The following TREH variants were observed in gnomAD, a reference collection of about 807,000 sequenced individuals.
The protein encoded by TREH is alpha,alpha-trehalose glucohydrolase.
TREH carries 69 observed loss-of-function variants against 80.5 expected under a neutral mutation model. That is an observed-to-expected ratio of 0.86 (90% CI 0.71 to 1.05). The LOEUF (loss-of-function observed/expected upper bound fraction) is 1.05, where lower values mean the gene tolerates loss of function less well. Ranked by LOEUF, TREH falls within the 50% of genes least tolerant of loss-of-function variation. TREH has a pLI of 0.00. For missense variants in TREH, 716 were observed against 718.8 expected, an observed-to-expected ratio of 1.00 and a Z score of 0.04; for synonymous variants, 309 against 293.5, an observed-to-expected ratio of 1.05 and a Z score of -0.54.
In TREH at chr11:118,658,981, A is replaced by G. The variant is rs1555144176; in HGVS notation, c.1469T>C (p.Val490Ala). The stretch of plus-strand genomic sequence containing the variant: ...CCAATTCTGAGCCAGCTGGAAAGCC[A>G]CTTCCTGGGCCCGACGTAAAGGTGC... ...AKAPLRRAQE[V>A]AFQLAQNWIR... is the part of the protein sequence containing the mutation. The change falls in exon 13 of 15, where the codon GTG (valine) becomes GCG (alanine). Residue 490 changes from valine (V) to alanine (A), a missense_variant. Transcript: ENST00000264029. The G allele has an allele frequency of 6.2e-7, 1 of 1,613,876 alleles. No individual in the cohort carries two copies. The highest frequency in any genetic ancestry group is 1.7e-5 in the Admixed American group (1 of 60,020).
In TREH at chr11:118,658,887, G is replaced by A; in HGVS notation, c.1545+18C>T. The A allele has an allele frequency of 6.2e-7, 1 of 1,613,568 alleles. No homozygotes were observed. ...CTGGGACAGCCTGGGGGTGCAGGGA[G>A]GGCTTGGGCCAGCTCACCTTCTCAT... is the stretch of plus-strand genomic sequence containing the variant. On this transcript the variant is annotated intron_variant, in intron 13 of 14. Coordinates refer to ENST00000264029, the MANE Select transcript of TREH (RefSeq NM_007180.3).
chr11:118,679,545 C>T lies in TREH; in HGVS notation c.83G>A (p.Cys28Tyr). The T allele has an allele frequency of 2.6e-6, 4 of 1,517,590 alleles. No homozygotes were observed. Among genetic ancestry groups the T allele is most frequent in the South Asian group, 2.6e-5 (2 of 77,524 alleles). 94.0% of individuals were successfully genotyped at this position (1,517,590 alleles called of 1,614,324 possible). A position where few individuals can be genotyped will look rare whatever the true frequency, so the allele number is the denominator to read the frequency against. ...LGSQEALPPP[C>Y]ESEIYCHGEL... ...GCCTTCCCCACACCCCTACCTCTCACAGGGTGGGGGTAGGGCCTCCTGGGA... is the reference window on the plus strand; with the variant it reads ...GCCTTCCCCACACCCCTACCTCTCATAGGGTGGGGGTAGGGCCTCCTGGGA... The change falls in exon 1 of 15, where the codon TGT (cysteine) becomes TAT (tyrosine). Residue 28 changes from cysteine (C) to tyrosine (Y), a missense_variant. Cys to Tyr is a radical substitution (Grantham distance 194). Transcript: ENST00000264029.
rs375535917 is a variant in TREH at position 118,661,354 on chromosome 11, G to C, written c.734+39C>G. 5.0e-6 allele frequency: 8 copies of C among 1,613,942 alleles called. No homozygotes were observed. The highest frequency in any genetic ancestry group is 6.8e-6 in the Non-Finnish European group (8 of 1,179,828). On this transcript the variant is annotated intron_variant, in intron 7 of 14. Coordinates refer to ENST00000264029, the MANE Select transcript of TREH (RefSeq NM_007180.3). The surrounding 1 kb of genome is among the most constrained non-coding windows in gnomAD (Gnocchi z 4.2). ...CCAGCCCTGAGAGGTCTGAGGGATGGGTGGGTCTGCAGAGCAGCACAGGGA... is the reference window on the plus strand; with the variant it reads ...CCAGCCCTGAGAGGTCTGAGGGATGCGTGGGTCTGCAGAGCAGCACAGGGA...
At chr11:118,668,190 A>G (rs1949395975) in intron 1 of TREH, among the ~76,000 whole-genome samples, 1 of 152,186 alleles carries the variant, frequency 6.6e-6, no homozygotes, top group South Asian at 2.1e-4. Flanking sequence ...AACAAGGAGA[A>G]GCATTTAGAG....
chr11:118,662,317 G>A (rs1229927932), intron 4 of TREH, among the ~76,000 whole-genome samples: 4 of 152,192 alleles, frequency 2.6e-5, no homozygotes, highest in African/African-American at 9.6e-5. Flanking sequence ...TGAGGGGGGT[G>A]CCAGCCCCCC....
intron 14 of TREH, 116 bp downstream of exon 14, chr11:118,658,564 C>G: frequency 6.6e-7 from 1 of 1,516,256 alleles, no homozygotes; most frequent in Admixed American, 2.0e-5. Flanking sequence ...AAGCACCAGT[C>G]AGCTCCTCCC....
chr11:118,662,720 A>G lies in TREH; in HGVS notation c.423+161T>C, dbSNP rs1949337255. On this transcript the variant is annotated intron_variant, in intron 4 of 14. Coordinates refer to ENST00000264029, the MANE Select transcript of TREH (RefSeq NM_007180.3). ...GTAGATGCTGCCCTTCTGACCTCAGAAGTTCTTTCTAGAGGGCCTCTATTT... is the reference window on the plus strand; with the variant it reads ...GTAGATGCTGCCCTTCTGACCTCAGGAGTTCTTTCTAGAGGGCCTCTATTT... 8.2e-6 allele frequency: 6 copies of G among 728,284 alleles called. No homozygotes were observed. In the East Asian group the frequency reaches 1.6e-4, roughly 20 times the overall value. 45.1% of individuals were successfully genotyped at this position (728,284 alleles called of 1,614,324 possible).
At position 118,658,920 on chromosome 11, in the gene TREH, T is replaced by C. The variant is rs782271138; in HGVS notation, c.1530A>G (p.Ser510=). The C allele has an allele frequency of 6.2e-7, 1 of 1,613,936 alleles. No homozygotes were observed. Among genetic ancestry groups the C allele is most frequent in the South Asian group, 1.1e-5 (1 of 91,086 alleles). The part of the protein sequence containing the change: ...RTNFDVYSQK[S]AMYEKYDVSN... Reference sequence around the variant, plus strand: ...GCCAGCTCACCTTCTCATACATGGCTGACTTCTGCGAGTAGACATCAAAAT... The same window carrying C: ...GCCAGCTCACCTTCTCATACATGGCCGACTTCTGCGAGTAGACATCAAAAT... Residue 510 remains serine (S), a synonymous_variant, in exon 13 of 15, where the codon TCA becomes TCG. Transcript: ENST00000264029.
In TREH at chr11:118,663,067, G is replaced by T. The variant is rs781890139; in HGVS notation, c.320C>A (p.Ala107Glu). ...KGQELQPWTP[A>E]DWKDSPQFLQ... is the part of the protein sequence containing the mutation. ...AGAGTCATACCTGTCTTTCCAGTCT[G>T]CAGGGGTCCAGGGCTGCAGCTCCTG... The change falls in exon 3 of 15, where the codon GCA (alanine) becomes GAA (glutamate). Residue 107 changes from alanine (A) to glutamate (E), a missense_variant. Coordinates refer to ENST00000264029, the MANE Select transcript of TREH (RefSeq NM_007180.3). The T allele has an allele frequency of 1.9e-6, 3 of 1,613,846 alleles. No homozygotes were observed. The highest frequency in any genetic ancestry group is 2.7e-5 in the African/African-American group (2 of 75,042).
chr11:118,665,131 C>G (rs12225548), intron 1 of TREH, among the ~76,000 whole-genome samples: 28,729 of 151,494 alleles, frequency 0.19, 3,095 homozygotes, highest in South Asian at 0.36. Flanking sequence ...AAAGTGTGTG[C>G]TCACATTCAG....
In TREH at chr11:118,660,653, C is replaced by T. The variant is rs1555144721; in HGVS notation, c.988G>A (p.Gly330Ser). The change falls in exon 10 of 15, where the codon GGC becomes AGC. Residue 330 changes from glycine (G) to serine (S), a missense_variant. Coordinates refer to ENST00000264029, the MANE Select transcript of TREH (RefSeq NM_007180.3). ...CCGCTAAGCGAGTTGGGGTTTGGGC[C>T]TCCAATGAGCCAGCGTGAAGAGAAG... is the stretch of plus-strand genomic sequence containing the variant. Reference protein sequence around the residue: ...WDFSSRWLIGGPNPNSLSGIR... With the variant: ...WDFSSRWLIGSPNPNSLSGIR... 1.9e-6 allele frequency: 3 copies of T among 1,606,232 alleles called. No homozygotes were observed. Among genetic ancestry groups the T allele is most frequent in the African/African-American group, 1.3e-5 (1 of 74,934 alleles).
intron 12 of TREH, 32 bp downstream of exon 12, chr11:118,659,338 G>A: frequency 6.7e-7 from 1 of 1,494,160 alleles, no homozygotes; most frequent in Non-Finnish European, 9.0e-7. Flanking sequence ...CCCTGGGAAG[G>A]GTCCTTGGCT....
intron 12 of TREH, 60 bp from the exon 13 acceptor site, chr11:118,659,077 G>T: frequency 6.6e-7 from 1 of 1,516,964 alleles, no homozygotes. Flanking sequence ...CAGAGCAGTG[G>T]CTGCACCCTA....
intron 1 of TREH, among the ~76,000 whole-genome samples, chr11:118,676,064 A>G (rs1333574139): frequency 6.6e-6 from 1 of 152,204 alleles, no homozygotes; most frequent in Non-Finnish European, 1.5e-5. Context: ...CGCATGATTG[A>G]TTGAATCATT....
At chr11:118,667,412 GTTCAAGTGATCCTCCTGGC>G (rs1949388181) in intron 1 of TREH, among the ~76,000 whole-genome samples, 1 of 151,950 alleles carries the variant, frequency 6.6e-6, no homozygotes, top group African/African-American at 2.4e-5. Context: ...GAACTCCTGG[GTTCAAGTGATCCTCCTGGC>G]TTCAAGTGAT....
chr11:118,663,418 C>A lies in TREH; in HGVS notation c.111G>T (p.Glu37Asp), dbSNP rs868937423. The change falls in exon 2 of 15, where the codon GAG becomes GAT. Residue 37 changes from glutamate (E) to aspartate (D), a missense_variant. Glu to Asp is a conservative substitution (Grantham distance 45, BLOSUM62 2). Coordinates refer to ENST00000264029, the MANE Select transcript of TREH (RefSeq NM_007180.3). ...TGGCCATTTGAACTTGGTTTAGGAGCTCCCCGTGGCAGTAAATCTCACTGC... is the reference window on the plus strand; with the variant it reads ...TGGCCATTTGAACTTGGTTTAGGAGATCCCCGTGGCAGTAAATCTCACTGC... ...PCESEIYCHG[E>D]LLNQVQMAKL... 6.3e-7 allele frequency: 1 copy of A among 1,588,258 alleles called. No homozygotes were observed.
rs1555142693 is a variant in TREH, at chr11:118,657,414, A to G, written c.*875T>C. 1 of 153,136 alleles carries G rather than the reference A, an allele frequency of 6.5e-6. No homozygotes were observed. The highest frequency in any genetic ancestry group is 2.4e-5 in the African/African-American group (1 of 41,440). 9.5% of individuals were successfully genotyped at this position (153,136 alleles called of 1,614,324 possible). On this transcript the variant is annotated 3_prime_UTR_variant, in exon 15 of 15. Coordinates refer to ENST00000264029, the MANE Select transcript of TREH (RefSeq NM_007180.3). ...GCCATGGTTACATACTAATTGCTGC[A>G]GCTCTGTGGCCCAGCCCACTGCTTC...
chr11:118,658,997 G>C lies in TREH; in HGVS notation c.1453C>G (p.Arg485Gly). 2 of 1,613,786 alleles carry C rather than the reference G, an allele frequency of 1.2e-6. No homozygotes were observed. Among genetic ancestry groups the C allele is most frequent in the Non-Finnish European group, 8.5e-7 (1 of 1,179,860 alleles). The change falls in exon 13 of 15, where the codon CGT (arginine) becomes GGT (glycine). Residue 485 changes from arginine to glycine, a missense_variant. Transcript: ENST00000264029. Reference protein sequence around the residue: ...VIRGLAKAPLRRAQEVAFQLA... With the variant: ...VIRGLAKAPLGRAQEVAFQLA... ...TGGAAAGCCACTTCCTGGGCCCGAC[G>C]TAAAGGTGCCTTGGCCAGGCCTAGA... is the stretch of plus-strand genomic sequence containing the variant.
chr11:118,673,775 A>T (rs912713109), intron 1 of TREH, among the ~76,000 whole-genome samples: 1 of 152,236 alleles, frequency 6.6e-6, no homozygotes, highest in African/African-American at 2.4e-5. Flanking sequence ...TCCAAGAGTT[A>T]GTAAAAACCT....
Sources: gnomAD v4.1 joint callset for allele counts (sites outside exome capture counted in the v4.1 genomes callset) on GRCh38, gnomAD v4.1.1 for gene constraint, Gnocchi (gnomAD v3.1) non-coding constraint, MANE v1.5 for transcripts, NCBI Gene and HGNC (gene_info 2026-07-23, HGNC 2026-07-21) for gene names.